SLCO3A1: variants seen among roughly 807,000 people sequenced by gnomAD.
SLCO3A1 encodes PGE1 transporter.
SLCO3A1 carries 27 observed loss-of-function variants against 63.1 expected under a neutral mutation model. The observed-to-expected ratio is 0.43, with a 90% CI of 0.32 to 0.59. The LOEUF (loss-of-function observed/expected upper bound fraction) is 0.59, where lower values mean the gene tolerates loss of function less well. SLCO3A1 is among the 20% of genes least tolerant of loss of function. SLCO3A1 has a pLI of 0.09. For synonymous variants in SLCO3A1, 473 were observed against 409.9 expected (o/e 1.15, Z -1.86); for missense variants, 773 against 945.8 (o/e 0.82, Z 2.40).
Position 91,942,361 on chromosome 15 carries a change from T to C in SLCO3A1, c.646+25903T>C, listed in dbSNP as rs1229872278. On this transcript the variant is annotated intron_variant, in intron 2 of 9. Transcript: ENST00000318445. The surrounding 1 kb of genome is among the most constrained non-coding windows in gnomAD (Gnocchi z 4.1). ...TATGAGAACACACACCTGTCCATCGTTGAGATTTTGTTTTATGTATATTCC... is the reference window on the plus strand; with the variant it reads ...TATGAGAACACACACCTGTCCATCGCTGAGATTTTGTTTTATGTATATTCC... Among the ~76,000 whole-genome samples, 2 of 152,112 alleles carry C rather than the reference T, an allele frequency of 1.3e-5. No individual in the cohort carries two copies. The highest frequency in any genetic ancestry group is 2.9e-5 in the Non-Finnish European group (2 of 68,012).
At chr15:91,873,571 T>C (rs974867576) in intron 1 of SLCO3A1, among the ~76,000 whole-genome samples, 88 of 132,444 alleles carry the variant, frequency 6.6e-4, no homozygotes, top group African/African-American at 2.0e-3. Context: ...CACACATACA[T>C]ACATACATAC....
chr15:91,949,422 G>A (rs1446208510), intron 2 of SLCO3A1, among the ~76,000 whole-genome samples: 1 of 152,152 alleles, frequency 6.6e-6, no homozygotes, highest in Non-Finnish European at 1.5e-5. Flanking sequence ...TTGAGGCCAG[G>A]AGTTTGAGAC....
At chr15:92,153,852 T>TG (rs1162922658) in intron 9 of SLCO3A1, among the ~76,000 whole-genome samples, 3 of 151,524 alleles carry the variant, frequency 2.0e-5, no homozygotes, top group Non-Finnish European at 4.4e-5. Context: ...AGGCCCAGAC[T>TG]GGGGGGAAAG....
chr15:92,023,883 G>GGCTTTTGA (rs1486806823), intron 2 of SLCO3A1, among the ~76,000 whole-genome samples: 3 of 152,142 alleles, frequency 2.0e-5, no homozygotes, highest in African/African-American at 7.2e-5. Flanking sequence ...TACCCTAGAG[G>GGCTTTTGA]GCTTTTGAGC....
chr15:92,069,076 C>A (rs941935401), intron 2 of SLCO3A1, among the ~76,000 whole-genome samples: 8 of 151,486 alleles, frequency 5.3e-5, no homozygotes, highest in African/African-American at 1.9e-4. Flanking sequence ...ATCAGTGCTT[C>A]TCATTCAAGG....
chr15:91,921,943 C>G (rs914034601), intron 2 of SLCO3A1, among the ~76,000 whole-genome samples: 1 of 151,886 alleles, frequency 6.6e-6, no homozygotes, highest in African/African-American at 2.4e-5. Flanking sequence ...TCATGTTGTC[C>G]AGGCTGCTCT....
In SLCO3A1 at chr15:92,004,997, A is replaced by C. The variant is rs373279509; in HGVS notation, c.646+88539A>C. On this transcript the variant is annotated intron_variant, in intron 2 of 9. Coordinates refer to ENST00000318445, the MANE Select transcript of SLCO3A1 (RefSeq NM_013272.4). ...AAAGCCTCTGAAACTCTCTTATTGA[A>C]CCCTAATAAATATCAGTGGCTTTAT... 4.6e-5 allele frequency among the ~76,000 whole-genome samples: 7 copies of C among 152,304 alleles called. No homozygotes were observed. In the East Asian group the frequency reaches 1.4e-3, roughly 29 times the overall value.
intron 2 of SLCO3A1, among the ~76,000 whole-genome samples, chr15:92,065,828 C>T (rs2047144416): frequency 6.6e-6 from 1 of 152,180 alleles, no homozygotes; most frequent in South Asian, 2.1e-4. Context: ...ACATTTACAA[C>T]TATTCCTGGT....
rs1026834883 is a variant in SLCO3A1 at position 91,941,879 on chromosome 15, TGAGGGCTGGGGGCTGGTCTTAG to T, written c.646+25428_646+25449del. 2.0e-5 allele frequency among the ~76,000 whole-genome samples: 3 copies of T among 151,870 alleles called. No homozygotes were observed. Among genetic ancestry groups the T allele is most frequent in the African/African-American group, 7.3e-5 (3 of 41,324 alleles). On this transcript the variant is annotated intron_variant, in intron 2 of 9. Transcript: ENST00000318445. This position sits in a 1 kb window ranked among gnomAD's most constrained non-coding sequence, Gnocchi z 4.4. ...TTATGGGCATCTGCAGTTCTGAGAG[TGAGGGCTGGGGGCTGGTCTTAG>T]GAGGGCAGCTCTCAGGCTACAAATG...
chr15:91,920,794 C>T (rs1178718896), intron 2 of SLCO3A1, among the ~76,000 whole-genome samples: 3 of 152,196 alleles, frequency 2.0e-5, no homozygotes, highest in African/African-American at 7.2e-5. Context: ...CATGAATAAT[C>T]CCTATCCCTC....
At position 91,968,535 on chromosome 15, in the gene SLCO3A1, C is replaced by G. The variant is rs879813995; in HGVS notation, c.646+52077C>G. On this transcript the variant is annotated intron_variant, in intron 2 of 9. Coordinates refer to ENST00000318445, the MANE Select transcript of SLCO3A1 (RefSeq NM_013272.4). This position sits in a 1 kb window ranked among gnomAD's most constrained non-coding sequence, Gnocchi z 4.2. ...AGGTGAATAGGGCTCCACAAACCAC[C>G]GTGGGGACCAGTGGCATCAAATTCT... Among the ~76,000 whole-genome samples, 1 of 151,976 alleles carries G rather than the reference C, an allele frequency of 6.6e-6. No homozygotes were observed. The highest frequency in any genetic ancestry group is 2.4e-5 in the African/African-American group (1 of 41,360).
At chr15:92,057,143 C>T (rs1440661647) in intron 2 of SLCO3A1, among the ~76,000 whole-genome samples, 1 of 152,186 alleles carries the variant, frequency 6.6e-6, no homozygotes, top group Non-Finnish European at 1.5e-5. Flanking sequence ...TAAGTCCATT[C>T]TTAGCTTTCT....
At chr15:91,992,765 C>G (rs1323808638) in intron 2 of SLCO3A1, among the ~76,000 whole-genome samples, 1 of 152,156 alleles carries the variant, frequency 6.6e-6, no homozygotes, top group African/African-American at 2.4e-5. Context: ...AAGATACATA[C>G]CATTAGTGCT....
intron 1 of SLCO3A1, among the ~76,000 whole-genome samples, chr15:91,915,025 C>T (rs1898607993): frequency 6.6e-6 from 1 of 152,168 alleles, no homozygotes; most frequent in South Asian, 2.1e-4. Flanking sequence ...CAGCACCCTG[C>T]GTGGAATTTG....
chr15:91,973,239 C>T (rs12909480), intron 2 of SLCO3A1, among the ~76,000 whole-genome samples: 33,411 of 152,132 alleles, frequency 0.22, 4,165 homozygotes, highest in East Asian at 0.34. Flanking sequence ...ATCCAAGGAA[C>T]GAATGAATTC....
chr15:92,098,690 C>T (rs1245207338), intron 3 of SLCO3A1, among the ~76,000 whole-genome samples: 1 of 148,848 alleles, frequency 6.7e-6, no homozygotes, highest in Non-Finnish European at 1.5e-5. Flanking sequence ...GAGTGTAGAT[C>T]CTACTGTTAG....
intron 2 of SLCO3A1, among the ~76,000 whole-genome samples, chr15:92,063,114 A>C (rs1444673924): frequency 6.6e-6 from 1 of 152,240 alleles, no homozygotes; most frequent in Non-Finnish European, 1.5e-5. Flanking sequence ...ACTAAGCTCC[A>C]GGCTAGAGGG....
At chr15:92,003,564 C>T (rs2046279950) in intron 2 of SLCO3A1, among the ~76,000 whole-genome samples, 1 of 152,208 alleles carries the variant, frequency 6.6e-6, no homozygotes, top group Non-Finnish European at 1.5e-5. Flanking sequence ...CTTCATCAGA[C>T]CTTCTGTCAT....
chr15:92,092,463 C>A (rs1055597015), intron 2 of SLCO3A1, among the ~76,000 whole-genome samples: 1 of 151,988 alleles, frequency 6.6e-6, no homozygotes, highest in African/African-American at 2.4e-5. Context: ...CTCTGTGTCC[C>A]GTTCTTTTGG....
Sources: gnomAD v4.1 joint callset for allele counts (sites outside exome capture counted in the v4.1 genomes callset) on GRCh38, gnomAD v4.1.1 for gene constraint, Gnocchi (gnomAD v3.1) non-coding constraint, MANE v1.5 for transcripts, NCBI Gene and HGNC (gene_info 2026-07-23, HGNC 2026-07-21) for gene names.